The following CNTNAP2 variants were observed in gnomAD, a reference collection of about 807,000 sequenced individuals.
The protein encoded by CNTNAP2 is contactin associated protein 2, also known as contactin-associated protein-like 2.
A neutral mutation model predicts 155.2 loss-of-function variants in CNTNAP2; 98 were observed. The ratio of observed to expected loss-of-function variants is 0.63; its 90% CI spans 0.54 to 0.75. CNTNAP2 has a LOEUF of 0.75. Among genes scored for constraint, CNTNAP2 ranks in the 30% least tolerant of loss-of-function variants. The pLI is 0.00. For synonymous variants in CNTNAP2, 651 were observed against 631.2 expected (o/e 1.03, Z -0.47); for missense variants, 1,727 against 1,688.1 (o/e 1.02, Z -0.40).
At chr7:146,638,615 G>C (rs1799649161) in intron 1 of CNTNAP2, among the ~76,000 whole-genome samples, 1 of 150,820 alleles carries the variant, frequency 6.6e-6, no homozygotes, top group Non-Finnish European at 1.5e-5. Flanking sequence ...CTCCCGAGTA[G>C]CTGGGACTAC....
intron 2 of CNTNAP2, among the ~76,000 whole-genome samples, chr7:146,780,839 G>A (rs888026358): frequency 1.2e-4 from 18 of 152,086 alleles, no homozygotes; most frequent in Non-Finnish European, 5.9e-5. Flanking sequence ...CATGGACACA[G>A]GGACGGGAAC....
At chr7:146,543,373 G>A (rs747947705) in intron 1 of CNTNAP2, among the ~76,000 whole-genome samples, 7 of 151,748 alleles carry the variant, frequency 4.6e-5, no homozygotes, top group Non-Finnish European at 7.4e-5. Context: ...CTCAGTCAAG[G>A]TATACCCCAT....
intron 15 of CNTNAP2, among the ~76,000 whole-genome samples, chr7:148,042,291 T>A (rs1183347300): frequency 6.6e-6 from 1 of 152,220 alleles, no homozygotes; most frequent in African/African-American, 2.4e-5. Context: ...ACCCAAACTC[T>A]ATACCATGAA....
chr7:147,245,761 CA>C (rs34304342), intron 8 of CNTNAP2, among the ~76,000 whole-genome samples: 25 of 85,232 alleles, frequency 2.9e-4, no homozygotes, highest in African/African-American at 8.4e-4. Context: ...GACTCTGTCT[CA>C]AAAAAAAAAA....
chr7:147,166,377 T>C (rs1237719550), intron 8 of CNTNAP2, among the ~76,000 whole-genome samples: 1 of 151,938 alleles, frequency 6.6e-6, no homozygotes, highest in East Asian at 1.9e-4. Context: ...ACAATGGACT[T>C]TGGGGACTCC....
intron 13 of CNTNAP2, among the ~76,000 whole-genome samples, chr7:147,665,874 A>G (rs1795685738): frequency 6.6e-6 from 1 of 152,136 alleles, no homozygotes; most frequent in Non-Finnish European, 1.5e-5. Flanking sequence ...TCTATTATTG[A>G]TGGGCATTTA....
intron 1 of CNTNAP2, among the ~76,000 whole-genome samples, chr7:146,391,455 C>T (rs76955010): frequency 6.6e-6 from 1 of 151,800 alleles, no homozygotes; most frequent in Admixed American, 6.6e-5. Context: ...TTATATTATT[C>T]TTATTATAGT....
rs565612208 is a variant in CNTNAP2 at position 148,257,639 on chromosome 7, G to A, written c.3382-9394G>A. Among the ~76,000 whole-genome samples the A allele has an allele frequency of 3.3e-5, 5 of 152,274 alleles. No individual in the cohort carries two copies. The East Asian group carries it at 9.7e-4, about 29-fold the overall frequency. ...TGCTGACCCTCACCCTGATGGGCTT[G>A]TGGCTCTCAGCAATGTGGTCCCAAA... is the stretch of plus-strand genomic sequence containing the variant. On this transcript the variant is annotated intron_variant, in intron 20 of 23. Transcript: ENST00000361727.
chr7:146,789,354 A>T (rs1253160471), intron 2 of CNTNAP2, among the ~76,000 whole-genome samples: 1 of 152,182 alleles, frequency 6.6e-6, no homozygotes, highest in Non-Finnish European at 1.5e-5. Context: ...ACAAAAAGAG[A>T]CATTTCTCTT....
chr7:148,282,992 T>C (rs1796999749), intron 21 of CNTNAP2, among the ~76,000 whole-genome samples: 1 of 151,998 alleles, frequency 6.6e-6, no homozygotes, highest in African/African-American at 2.4e-5. Context: ...CCCAGCACTT[T>C]GGGAGGCCAA....
intron 15 of CNTNAP2, among the ~76,000 whole-genome samples, chr7:148,058,977 T>C (rs1261917654): frequency 1.3e-5 from 2 of 152,004 alleles, no homozygotes; most frequent in Non-Finnish European, 2.9e-5. Context: ...TGTGTCACTT[T>C]ATGAAAATTC....
At chr7:147,695,481 A>T (rs1158336123) in intron 13 of CNTNAP2, among the ~76,000 whole-genome samples, 1 of 152,198 alleles carries the variant, frequency 6.6e-6, no homozygotes, top group Non-Finnish European at 1.5e-5. Context: ...TTCTCTGGGC[A>T]GTTCTATCAA....
At chr7:146,420,915 C>G (rs1484393850) in intron 1 of CNTNAP2, among the ~76,000 whole-genome samples, 2 of 152,040 alleles carry the variant, frequency 1.3e-5, no homozygotes, top group African/African-American at 4.8e-5. Context: ...GTTATGCAAG[C>G]TTTCACATTG....
intron 3 of CNTNAP2, among the ~76,000 whole-genome samples, chr7:146,943,761 ATT>A (rs1304622803): frequency 6.6e-6 from 1 of 152,104 alleles, no homozygotes; most frequent in African/African-American, 2.4e-5. Flanking sequence ...GTCATTCAAG[ATT>A]TACAGTATTG....
At chr7:147,786,667 T>G (rs1797744796) in intron 13 of CNTNAP2, among the ~76,000 whole-genome samples, 1 of 152,000 alleles carries the variant, frequency 6.6e-6, no homozygotes, top group Non-Finnish European at 1.5e-5. Flanking sequence ...TTGGAATGGA[T>G]TTCAGAAAGC....
intron 15 of CNTNAP2, among the ~76,000 whole-genome samples, chr7:148,075,435 TC>T (rs1432662324): frequency 7.1e-6 from 1 of 140,760 alleles, no homozygotes; most frequent in Middle Eastern, 3.7e-3. Context: ...AAACTTAATC[TC>T]AAAAAAAAAA....
At chr7:147,208,077 G>T (rs914900924) in intron 8 of CNTNAP2, among the ~76,000 whole-genome samples, 12 of 152,040 alleles carry the variant, frequency 7.9e-5, no homozygotes, top group African/African-American at 2.9e-4. Context: ...AGCAGTACAT[G>T]AACATATTCC....
chr7:148,333,225 C>T (rs4726957), intron 21 of CNTNAP2, among the ~76,000 whole-genome samples: 49,078 of 151,848 alleles, frequency 0.32, 8,637 homozygotes, highest in Non-Finnish European at 0.41. Flanking sequence ...GTCAGGAGTT[C>T]GAGACCAGCC....
chr7:146,441,094 G>C (rs1796314107), intron 1 of CNTNAP2, among the ~76,000 whole-genome samples: 1 of 151,492 alleles, frequency 6.6e-6, no homozygotes. Flanking sequence ...ATTTTGGAGA[G>C]ATGAACGAGG....
Sources: gnomAD v4.1 joint callset for allele counts (sites outside exome capture counted in the v4.1 genomes callset) on GRCh38, gnomAD v4.1.1 for gene constraint, MANE v1.5 for transcripts, NCBI Gene and HGNC (gene_info 2026-07-23, HGNC 2026-07-21) for gene names.